The following SCUBE2 variants were observed in gnomAD, a reference collection of about 807,000 sequenced individuals.
SCUBE2 encodes the protein signal peptide, CUB domain and EGF like domain containing 2.
Under a neutral mutation model 125.9 loss-of-function variants are expected in SCUBE2, and 114 were observed. The ratio of observed to expected loss-of-function variants is 0.91; its 90% CI spans 0.78 to 1.06. SCUBE2 has a LOEUF of 1.06. SCUBE2 is among the 50% of genes least tolerant of loss of function. The pLI is 0.00. For synonymous variants in SCUBE2, 459 were observed against 492.9 expected (o/e 0.93, Z 0.91); for missense variants, 1,255 against 1,301.8 (o/e 0.96, Z 0.55).
At position 9,052,764 on chromosome 11, in the gene SCUBE2, T is replaced by C. The variant is rs1358897654; in HGVS notation, c.1516A>G (p.Asn506Asp). The change falls in exon 13 of 23, where the codon AAT becomes GAT. Residue 506 changes from asparagine (N) to aspartate (D), a missense_variant. Transcript: ENST00000649792. ...TAATTACCCCCAAAAGCAGAGTCATTTGATTTTTGTTGTTTGTTCCTGAGA... is the reference window on the plus strand; with the variant it reads ...TAATTACCCCCAAAAGCAGAGTCATCTGATTTTTGTTGTTTGTTCCTGAGA... ...SPLRNKQQKSNDSAFGDVTTI... is the reference protein window; with the variant it reads ...SPLRNKQQKSDDSAFGDVTTI... The C allele has an allele frequency of 6.5e-7, 1 of 1,536,350 alleles. No homozygotes were observed. The highest frequency in any genetic ancestry group is 8.7e-7 in the Non-Finnish European group (1 of 1,146,428).
chr11:9,062,619 A>G (rs1859790382), intron 7 of SCUBE2, among the ~76,000 whole-genome samples: 1 of 152,238 alleles, frequency 6.6e-6, no homozygotes, highest in Admixed American at 6.5e-5. Flanking sequence ...AGAACAGAAG[A>G]GGAGTTAAAA....
intron 7 of SCUBE2, among the ~76,000 whole-genome samples, chr11:9,063,960 C>T (rs751744045): frequency 2.6e-5 from 4 of 152,146 alleles, no homozygotes; most frequent in Admixed American, 6.5e-5. Flanking sequence ...AATCATAGCA[C>T]GTTACATGAC....
intron 5 of SCUBE2, 151 bp downstream of exon 5, chr11:9,069,219 A>C: frequency 1.2e-6 from 1 of 868,950 alleles, no homozygotes; most frequent in Non-Finnish European, 1.8e-6. Flanking sequence ...TCTGCAGTGA[A>C]CAAGTACTTG....
intron 9 of SCUBE2, among the ~76,000 whole-genome samples, chr11:9,058,398 C>T (rs1266734970): frequency 6.6e-6 from 1 of 151,828 alleles, no homozygotes; most frequent in African/African-American, 2.4e-5. Flanking sequence ...GAGTTCAAGA[C>T]CAGCCTGACC....
At chr11:9,045,475 G>A (rs1857609807) in intron 16 of SCUBE2, among the ~76,000 whole-genome samples, 3 of 151,832 alleles carry the variant, frequency 2.0e-5, no homozygotes, top group Admixed American at 2.0e-4. Flanking sequence ...TGCAAATACC[G>A]AAAATCATTT....
rs1169089893 is a variant in SCUBE2, at chr11:9,054,954, G to A, written c.1207+839C>T. ...TCTCCATGTTGGTTAGGCTGGTCTC[G>A]AACTCCCGACCTCAGGTGATCCGCC... On this transcript the variant is annotated intron_variant, in intron 10 of 22. Coordinates refer to ENST00000649792, the MANE Select transcript of SCUBE2 (RefSeq NM_001367977.2). Among the ~76,000 whole-genome samples the A allele has an allele frequency of 5.3e-5, 8 of 151,220 alleles. No homozygotes were observed. In the East Asian group the frequency reaches 1.2e-3, roughly 22 times the overall value.
chr11:9,053,008 C>G (rs1858579140), intron 12 of SCUBE2, 91 bp downstream of exon 12: 21 of 1,212,034 alleles, frequency 1.7e-5, no homozygotes, highest in Admixed American at 3.8e-5. Flanking sequence ...GGCGGAGGAC[C>G]TGGAAGCCCT....
chr11:9,054,206 A>G (rs972004930), intron 10 of SCUBE2, among the ~76,000 whole-genome samples: 1 of 152,088 alleles, frequency 6.6e-6, no homozygotes, highest in Admixed American at 6.5e-5. Context: ...CATGTTGGCC[A>G]GGCTGGTCTG....
At chr11:9,025,989 T>C (rs1855717270) in intron 20 of SCUBE2, 135 bp from the exon 21 acceptor site, 2 of 897,324 alleles carry the variant, frequency 2.2e-6, no homozygotes, top group Admixed American at 2.9e-5. Context: ...AGCTGAGCCA[T>C]CATAAGTCAA....
rs769257281 is a variant in SCUBE2 at position 9,053,622 on chromosome 11, C to T, written c.1330+15G>A. ...GCCAGCCTGCTGTCTGAGTCTGTGC[C>T]TCGGTTCCCCTTACCCACACAGTCT... On this transcript the variant is annotated intron_variant, in intron 11 of 22. Transcript: ENST00000649792. 6.2e-7 allele frequency: 1 copy of T among 1,613,186 alleles called. No individual in the cohort carries two copies. The highest frequency in any genetic ancestry group is 1.1e-5 in the South Asian group (1 of 90,974).
At chr11:9,042,709 G>A (rs1020486413) in intron 16 of SCUBE2, among the ~76,000 whole-genome samples, 2 of 152,104 alleles carry the variant, frequency 1.3e-5, no homozygotes, top group African/African-American at 4.8e-5. Context: ...ATATGAAACA[G>A]GGCATGGTGA....
chr11:9,091,485 AC>A lies in SCUBE2; in HGVS notation c.43del (p.Val15CysfsTer32). On this transcript the variant is annotated frameshift_variant, in exon 1 of 23. Transcript: ENST00000649792. LOFTEE classifies it high-confidence loss of function. The surrounding 1 kb of genome is among the most constrained non-coding windows in gnomAD (Gnocchi z 8.5). The part of the protein sequence containing the change: ...GRNRPGAAWA[V>X]LLLLLLLPPL... ...CGGCAGCAGCAGCAGCAGCAGCAGCACCGCCCAGGCCGCCCCGGGACGGTTG... is the reference window on the plus strand; with the variant it reads ...CGGCAGCAGCAGCAGCAGCAGCAGCACGCCCAGGCCGCCCCGGGACGGTTG... 9.1e-7 allele frequency: 1 copy of A among 1,097,290 alleles called. No homozygotes were observed. Among genetic ancestry groups the A allele is most frequent in the Non-Finnish European group, 1.2e-6 (1 of 847,048 alleles). The allele number at this position is 1,097,290 out of a possible 1,614,324, so 68.0% of individuals were successfully genotyped here.
At chr11:9,056,176 C>G (rs1463636989) in intron 9 of SCUBE2, among the ~76,000 whole-genome samples, 1 of 152,186 alleles carries the variant, frequency 6.6e-6, no homozygotes, top group Non-Finnish European at 1.5e-5. Flanking sequence ...TTCACCCATG[C>G]GTACTTGCAG....
At chr11:9,050,108 G>T (rs1012030989) in intron 14 of SCUBE2, 1 of 153,778 alleles carries the variant, frequency 6.5e-6, no homozygotes, top group African/African-American at 2.4e-5. Flanking sequence ...AATAAGGCCA[G>T]TTCTACTTGG....
chr11:9,074,720 C>T lies in SCUBE2; in HGVS notation c.383-105G>A, dbSNP rs115928619. 2.4e-4 allele frequency: 303 copies of T among 1,278,092 alleles called. No individual in the cohort carries two copies. In the African/African-American group the frequency reaches 3.7e-3, roughly 16 times the overall value. 79.2% of individuals were successfully genotyped at this position (1,278,092 alleles called of 1,614,324 possible). On this transcript the variant is annotated intron_variant, in intron 3 of 22. Coordinates refer to ENST00000649792, the MANE Select transcript of SCUBE2 (RefSeq NM_001367977.2). ...TAAGCAAAGATGAGGTTCCTCTTCA[C>T]GTCCCTGCACCACAGAAGCTTTCAG...
At position 9,033,763 on chromosome 11, in the gene SCUBE2, G is replaced by A. The variant is rs1481086301; in HGVS notation, c.2036C>T (p.Ala679Val). 6.2e-7 allele frequency: 1 copy of A among 1,614,098 alleles called. No individual in the cohort carries two copies. Among genetic ancestry groups the A allele is most frequent in the African/African-American group, 1.3e-5 (1 of 75,008 alleles). The change falls in exon 17 of 23, where the codon GCA becomes GTA. Residue 679 changes from alanine to valine, a missense_variant. Ala to Val is a moderately conservative substitution (Grantham distance 64). This residue lies in a region of SCUBE2 where 515 missense variants were observed against 515.7 expected (regional missense o/e 1.00). Transcript: ENST00000649792. The stretch of plus-strand genomic sequence containing the variant: ...TGGACATAAAATGCAGCGTTCTCGT[G>A]CTCCATCATAATAGGTCCCAGCCCT... Reference protein sequence around the residue: ...SCRAGTYYDGARERCILCPNG... With the variant: ...SCRAGTYYDGVRERCILCPNG...
intron 16 of SCUBE2, among the ~76,000 whole-genome samples, chr11:9,041,637 G>A (rs1857253454): frequency 1.3e-5 from 2 of 152,168 alleles, no homozygotes. Context: ...AGGAATCTTG[G>A]AAAATGTTTC....
chr11:9,027,536 T>A lies in SCUBE2; in HGVS notation c.2529A>T (p.Gly843=). The A allele has an allele frequency of 6.2e-7, 1 of 1,613,746 alleles. No individual in the cohort carries two copies. Among genetic ancestry groups the A allele is most frequent in the Non-Finnish European group, 8.5e-7 (1 of 1,179,810 alleles). Residue 843 remains glycine, a synonymous_variant, in exon 20 of 23, where the codon GGA becomes GGT. Coordinates refer to ENST00000649792, the MANE Select transcript of SCUBE2 (RefSeq NM_001367977.2). ...CKNRRCGGEL[G]DFTGYIESPN... is the part of the protein sequence containing the mutation. ...GGGATTCAATGTACCCAGTGAAATCTCCCAGCTCCCCTCCACATCTTCTGT... is the reference window on the plus strand; with the variant it reads ...GGGATTCAATGTACCCAGTGAAATCACCCAGCTCCCCTCCACATCTTCTGT...
At position 9,047,465 on chromosome 11, in the gene SCUBE2, G is replaced by C; in HGVS notation, c.1893C>G (p.His631Gln). Residue 631 changes from histidine to glutamine, a missense_variant, in exon 16 of 23, where the codon CAC becomes CAG. Coordinates refer to ENST00000649792, the MANE Select transcript of SCUBE2 (RefSeq NM_001367977.2). ...LRKAVHREQFHLQLSGMNLDV... is the reference protein window; with the variant it reads ...LRKAVHREQFQLQLSGMNLDV... The stretch of plus-strand genomic sequence containing the variant: ...CGAGGTTCATGCCTGAGAGCTGGAG[G>C]TGAAACTGCTCCCTGTGGACGGCCT... 6.2e-7 allele frequency: 1 copy of C among 1,614,092 alleles called. No individual in the cohort carries two copies. The highest frequency in any genetic ancestry group is 1.7e-5 in the Admixed American group (1 of 60,016).
Sources: gnomAD v4.1 joint callset for allele counts (sites outside exome capture counted in the v4.1 genomes callset) on GRCh38, gnomAD v4.1.1 for gene constraint, gnomAD v4.1.1 regional missense constraint, Gnocchi (gnomAD v3.1) non-coding constraint, MANE v1.5 for transcripts, NCBI Gene and HGNC (gene_info 2026-07-23, HGNC 2026-07-21) for gene names.